DDX25: variants seen among roughly 807,000 people sequenced by gnomAD.
The protein encoded by DDX25 is ATP-dependent RNA helicase DDX25.
Under a neutral mutation model 64.6 loss-of-function variants are expected in DDX25, and 70 were observed. The observed-to-expected ratio is 1.08, with a 90% CI of 0.89 to 1.32. DDX25 has a LOEUF of 1.32. DDX25 is among the 40% of genes most tolerant of loss of function. DDX25 has a pLI of 0.00. For synonymous variants in DDX25, 211 were observed against 213.3 expected (o/e 0.99, Z 0.09); for missense variants, 587 against 604.4 (o/e 0.97, Z 0.30).
chr11:125,919,942 A>G (rs1225497151), intron 10 of DDX25, among the ~76,000 whole-genome samples: 2 of 152,238 alleles, frequency 1.3e-5, no homozygotes, highest in Admixed American at 6.5e-5. Context: ...TAATTGAAAT[A>G]TAGCCACATG....
chr11:125,904,492 T>G (rs1197487664), upstream of DDX25: 1 of 1,471,732 alleles, frequency 6.8e-7, no homozygotes, highest in Admixed American at 2.4e-5. Flanking sequence ...AAGCACGTGC[T>G]GGGGGCGGGA....
chr11:125,904,317 G>A (rs1944841842), upstream of DDX25: 5 of 392,144 alleles, frequency 1.3e-5, no homozygotes, highest in Non-Finnish European at 2.2e-5. Flanking sequence ...CCCGCTCTCT[G>A]CCCCCCGCCC....
chr11:125,908,540 A>G (rs1460025126), intron 6 of DDX25, 37 bp downstream of exon 6: 1 of 1,583,208 alleles, frequency 6.3e-7, no homozygotes, highest in Admixed American at 1.7e-5. Context: ...GAATGCTTGC[A>G]CTACCAGTGC....
At chr11:125,904,402 G>C (rs1432362064), upstream of DDX25, 3 of 1,033,852 alleles carry the variant, frequency 2.9e-6, no homozygotes, top group Non-Finnish European at 3.8e-6. Context: ...GGTGGTCGCG[G>C]GCGCGGACGC....
chr11:125,921,175 G>C lies in DDX25; in HGVS notation c.1202-16G>C. On this transcript the variant is annotated splice_polypyrimidine_tract_variant and intron_variant, in intron 10 of 11. Transcript: ENST00000263576. The surrounding 1 kb of genome is among the most constrained non-coding windows in gnomAD (Gnocchi z 4.1). ...GGAAAGCATTGCAGGACCCTACAGT[G>C]TTTTTCCTCTTCTAGGGATTGATGT... The C allele has an allele frequency of 6.2e-7, 1 of 1,604,080 alleles. No individual in the cohort carries two copies. Among genetic ancestry groups the C allele is most frequent in the South Asian group, 1.1e-5 (1 of 89,300 alleles).
Position 125,908,289 on chromosome 11 carries a change from G to C in DDX25, c.404+1G>C. On this transcript the variant is annotated splice_donor_variant, in intron 5 of 11. Coordinates refer to ENST00000263576, the MANE Select transcript of DDX25 (RefSeq NM_013264.5). LOFTEE classifies it high-confidence loss of function. ...CTCTCCCTATGATGCTGGCACATCC[G>C]TGAGTTTCCAGGGTAGTGGTATTCT... The C allele has an allele frequency of 6.2e-7, 1 of 1,613,656 alleles. No individual in the cohort carries two copies. Among genetic ancestry groups the C allele is most frequent in the East Asian group, 2.2e-5 (1 of 44,884 alleles).
At chr11:125,910,778 C>T (rs977348606) in intron 7 of DDX25, among the ~76,000 whole-genome samples, 8 of 152,102 alleles carry the variant, frequency 5.3e-5, no homozygotes, top group East Asian at 1.9e-4. Flanking sequence ...TTGGATTTTT[C>T]GTTAAAATAT....
At chr11:125,911,856 C>T (rs1480870490) in intron 8 of DDX25, among the ~76,000 whole-genome samples, 1 of 152,184 alleles carries the variant, frequency 6.6e-6, no homozygotes, top group Non-Finnish European at 1.5e-5. Context: ...GTAGAGGACA[C>T]AGTAATGTGG....
At chr11:125,903,792 T>G (rs1047515437), upstream of DDX25, among the ~76,000 whole-genome samples, 22 of 152,006 alleles carry the variant, frequency 1.4e-4, no homozygotes, top group African/African-American at 4.8e-4. Flanking sequence ...TCGTCCAAAT[T>G]GAGCGGTCAT....
intron 1 of DDX25, 52 bp downstream of exon 1, chr11:125,904,632 C>A: frequency 7.0e-7 from 1 of 1,422,672 alleles, no homozygotes; most frequent in Non-Finnish European, 9.2e-7. Context: ...AGCTCCCACT[C>A]GCAGAGGGAG....
In DDX25 at chr11:125,921,526, G is replaced by C; in HGVS notation, c.1390+147G>C. The C allele has an allele frequency of 1.2e-6, 1 of 820,180 alleles. No individual in the cohort carries two copies. Among genetic ancestry groups the C allele is most frequent in the Non-Finnish European group, 1.8e-6 (1 of 541,512 alleles). 50.8% of individuals were successfully genotyped at this position (820,180 alleles called of 1,614,324 possible). On this transcript the variant is annotated intron_variant, in intron 11 of 11. Coordinates refer to ENST00000263576, the MANE Select transcript of DDX25 (RefSeq NM_013264.5). This position sits in a 1 kb window ranked among gnomAD's most constrained non-coding sequence, Gnocchi z 4.1. ...AAGGCTTCTAATTCACAGGACCAGG[G>C]TTCTAATATGAGACAGATGATTAAA...
At chr11:125,909,651 C>CTT (rs1288646992) in intron 6 of DDX25, among the ~76,000 whole-genome samples, 3 of 139,972 alleles carry the variant, frequency 2.1e-5, no homozygotes, top group East Asian at 2.1e-4. Context: ...AATAGGCAGT[C>CTT]TTTTTTTTTT....
chr11:125,904,627 C>G, intron 1 of DDX25, 47 bp downstream of exon 1: 1 of 1,422,084 alleles, frequency 7.0e-7, no homozygotes, highest in Non-Finnish European at 9.2e-7. Context: ...GGTGGAGCTC[C>G]CACTCGCAGA....
Position 125,928,207 on chromosome 11 carries a change from T to G in DDX25, c.*5326T>G, listed in dbSNP as rs1437573412. 2 of 152,256 alleles carry G rather than the reference T, an allele frequency of 1.3e-5. No individual in the cohort carries two copies. Among genetic ancestry groups the G allele is most frequent in the African/African-American group, 2.4e-5 (1 of 41,476 alleles). 9.4% of individuals were successfully genotyped at this position (152,256 alleles called of 1,614,324 possible). On this transcript the variant is annotated 3_prime_UTR_variant, in exon 12 of 12. Transcript: ENST00000263576. ...AAAAATTATCAGCTTGATATAGTCC[T>G]GTTCTTAATATAAACATCTGTGGTT...
Position 125,917,086 on chromosome 11 carries a change from G to A in DDX25, c.873G>A (p.Glu291=). The change falls in exon 9 of 12, where the codon GAG becomes GAA. Residue 291 remains glutamate (E), a synonymous_variant. Transcript: ENST00000263576. ...TFEDSVWHFA[E]RIIPDPNVIK... ...AGGACTCTGTGTGGCACTTTGCTGA[G>A]CGAATCATCCCTGACCCTAATGTTA... 6.2e-7 allele frequency: 1 copy of A among 1,610,546 alleles called. No homozygotes were observed. The highest frequency in any genetic ancestry group is 1.1e-5 in the South Asian group (1 of 89,668).
At chr11:125,915,978 A>G (rs1486050130) in intron 8 of DDX25, among the ~76,000 whole-genome samples, 1 of 152,102 alleles carries the variant, frequency 6.6e-6, no homozygotes, top group Non-Finnish European at 1.5e-5. Context: ...TTATGATCAC[A>G]TTAGTGGGAT....
At position 125,926,632 on chromosome 11, in the gene DDX25, T is replaced by A. The variant is rs1179407738; in HGVS notation, c.*3751T>A. The A allele has an allele frequency of 1.3e-5, 2 of 151,532 alleles. No homozygotes were observed. The highest frequency in any genetic ancestry group is 1.3e-4 in the Admixed American group (2 of 15,188). The allele number at this position is 151,532 out of a possible 1,614,324, so 9.4% of individuals were successfully genotyped here. ...ATCTCGGCTCACTGCAAACTCTGCC[T>A]CCCCGGTTCAAGCAATTCTCCTGTC... is the stretch of plus-strand genomic sequence containing the variant. On this transcript the variant is annotated 3_prime_UTR_variant, in exon 12 of 12. Transcript: ENST00000263576.
rs1177443681 is a variant in DDX25, at chr11:125,924,492, T to C, written c.*1611T>C. ...GGAGGGACCCTAACACCATCTAGGCTGGCTCCCAGAGGAGAGGACACTCAG... is the reference window on the plus strand; with the variant it reads ...GGAGGGACCCTAACACCATCTAGGCCGGCTCCCAGAGGAGAGGACACTCAG... On this transcript the variant is annotated 3_prime_UTR_variant, in exon 12 of 12. Coordinates refer to ENST00000263576, the MANE Select transcript of DDX25 (RefSeq NM_013264.5). The C allele has an allele frequency of 6.6e-6, 1 of 152,270 alleles. No individual in the cohort carries two copies. The highest frequency in any genetic ancestry group is 1.5e-5 in the Non-Finnish European group (1 of 68,120). 9.4% of individuals were successfully genotyped at this position (152,270 alleles called of 1,614,324 possible). A position where few individuals can be genotyped will look rare whatever the true frequency, so the allele number is the denominator to read the frequency against.
chr11:125,916,356 A>C (rs1485553275), intron 8 of DDX25, among the ~76,000 whole-genome samples: 1 of 152,130 alleles, frequency 6.6e-6, no homozygotes, highest in Non-Finnish European at 1.5e-5. Context: ...TTTTACCAGC[A>C]CCCTAGAATT....
Sources: gnomAD v4.1 joint callset for allele counts (sites outside exome capture counted in the v4.1 genomes callset) on GRCh38, gnomAD v4.1.1 for gene constraint, Gnocchi (gnomAD v3.1) non-coding constraint, MANE v1.5 for transcripts, NCBI Gene and HGNC (gene_info 2026-07-23, HGNC 2026-07-21) for gene names.